Variants in SOWAHA observed in about 807,000 individuals in gnomAD.
The protein encoded by SOWAHA is ankyrin repeat domain-containing protein SOWAHA.
Under a neutral mutation model 21.1 loss-of-function variants are expected in SOWAHA, and 17 were observed. That is an observed-to-expected ratio of 0.80 (90% CI 0.55 to 1.21). The LOEUF (loss-of-function observed/expected upper bound fraction) is 1.21, where lower values mean the gene tolerates loss of function less well. Among genes scored for constraint, SOWAHA ranks in the 50% most tolerant of loss-of-function variants. SOWAHA has a pLI of 0.00. For synonymous variants in SOWAHA, 422 were observed against 397.1 expected (o/e 1.06, Z -0.75); for missense variants, 862 against 816.0 (o/e 1.06, Z -0.69).
Position 132,813,865 on chromosome 5 carries a change from A to C in SOWAHA, c.244A>C (p.Lys82Gln), listed in dbSNP as rs377070939. ...CGTCAAGTTCGTGGTGCTGAGGAAGAAGCCCCGGCCCCCGGAGCCCGAGCC... is the reference window on the plus strand; with the variant it reads ...CGTCAAGTTCGTGGTGCTGAGGAAGCAGCCCCGGCCCCCGGAGCCCGAGCC... ...DGVKFVVLRK[K>Q]PRPPEPEPAP... Residue 82 changes from lysine (K) to glutamine (Q), a missense_variant, in exon 1 of 1, where the codon AAG (lysine) becomes CAG (glutamine). Transcript: ENST00000378693. 5.3e-4 allele frequency: 819 copies of C among 1,548,764 alleles called. 6 individuals are homozygous for C. In the African/African-American group the frequency reaches 0.011, roughly 20 times the overall value.
Position 132,814,065 on chromosome 5 carries a change from G to T in SOWAHA, c.444G>T (p.Pro148=). 1.3e-6 allele frequency: 2 copies of T among 1,571,820 alleles called. No homozygotes were observed. The highest frequency in any genetic ancestry group is 1.7e-6 in the Non-Finnish European group (2 of 1,164,666). ...AGCCACAGGACACCCCGGGGGGGCC[G>T]GCCTCCGAGCCCGCTCAGCCGCCCG... ...PTEPQDTPGG[P]ASEPAQPPGE... Residue 148 remains proline, a synonymous_variant, in exon 1 of 1, where the codon CCG becomes CCT. Transcript: ENST00000378693.
In SOWAHA at chr5:132,813,961, G is replaced by T; in HGVS notation, c.340G>T (p.Ala114Ser). 1 of 1,543,508 alleles carries T rather than the reference G, an allele frequency of 6.5e-7. No individual in the cohort carries two copies. The change falls in exon 1 of 1, where the codon GCC becomes TCC. Residue 114 changes from alanine (A) to serine (S), a missense_variant. Ala to Ser is a moderately conservative substitution (Grantham distance 99). Transcript: ENST00000378693. The stretch of plus-strand genomic sequence containing the variant: ...CACTTCGACGGTCTTGCCGCGGAGC[G>T]CCTCTGCCCCGGGAGCTCCGCCCTT... ...KPTSTVLPRS[A>S]SAPGAPPLVR...
At position 132,814,496 on chromosome 5, in the gene SOWAHA, A is replaced by G; in HGVS notation, c.875A>G (p.Asp292Gly). The change falls in exon 1 of 1, where the codon GAC becomes GGC. Residue 292 changes from aspartate to glycine, a missense_variant. Transcript: ENST00000378693. ...SRAGPRLLSP[D>G]AEELPAAPPP... ...GCCGGCCCGCGTCTGCTGAGCCCTG[A>G]CGCCGAGGAGTTGCCCGCCGCGCCG... is the stretch of plus-strand genomic sequence containing the variant. The G allele has an allele frequency of 7.1e-7, 1 of 1,404,080 alleles. No homozygotes were observed. Among genetic ancestry groups the G allele is most frequent in the South Asian group, 1.5e-5 (1 of 65,060 alleles). The allele number at this position is 1,404,080 out of a possible 1,614,324, so 87.0% of individuals were successfully genotyped here.
Position 132,816,499 on chromosome 5 carries a change from G to A in SOWAHA, c.*1228G>A, listed in dbSNP as rs1758386439. ...TTCCTATCTGTAAATGAGAAAGTTTGTAGATATTGCCAAGATTTCCCAGGC... is the reference window on the plus strand; with the variant it reads ...TTCCTATCTGTAAATGAGAAAGTTTATAGATATTGCCAAGATTTCCCAGGC... On this transcript the variant is annotated 3_prime_UTR_variant, in exon 1 of 1. Coordinates refer to ENST00000378693, the MANE Select transcript of SOWAHA (RefSeq NM_175873.6). 2 of 167,098 alleles carry A rather than the reference G, an allele frequency of 1.2e-5. No homozygotes were observed. Among genetic ancestry groups the A allele is most frequent in the Admixed American group, 6.5e-5 (1 of 15,284 alleles). The allele number at this position is 167,098 out of a possible 1,614,324, so 10.4% of individuals were successfully genotyped here. A position where few individuals can be genotyped will look rare whatever the true frequency, so the allele number is the denominator to read the frequency against.
Position 132,814,606 on chromosome 5 carries a change from G to T in SOWAHA, c.985G>T (p.Gly329Trp). 2 of 1,512,924 alleles carry T rather than the reference G, an allele frequency of 1.3e-6. No homozygotes were observed. The highest frequency in any genetic ancestry group is 1.8e-6 in the Non-Finnish European group (2 of 1,137,822). The allele number at this position is 1,512,924 out of a possible 1,614,324, so 93.7% of individuals were successfully genotyped here. The change falls in exon 1 of 1, where the codon GGG becomes TGG. Residue 329 changes from glycine to tryptophan, a missense_variant. Gly to Trp is a radical substitution (Grantham distance 184, BLOSUM62 -2). Coordinates refer to ENST00000378693, the MANE Select transcript of SOWAHA (RefSeq NM_175873.6). The stretch of plus-strand genomic sequence containing the variant: ...GGGCCGCTGGACCCACCAGCTGCAC[G>T]GGCTGCTGCTGCGCGACCGCGGCTT... ...AGGRWTHQLH[G>W]LLLRDRGLAA...
At position 132,815,035 on chromosome 5, in the gene SOWAHA, C is replaced by T. The variant is rs767854393; in HGVS notation, c.1414C>T (p.Leu472Phe). ...RRPVQVAATI[L>F]SSTTSAFLGV... The stretch of plus-strand genomic sequence containing the variant: ...CCCCGTACAGGTGGCCGCCACCATC[C>T]TCAGTTCCACCACCAGTGCATTTCT... Residue 472 changes from leucine to phenylalanine, a missense_variant, in exon 1 of 1, where the codon CTC becomes TTC. Leu to Phe is a conservative substitution (Grantham distance 22). Coordinates refer to ENST00000378693, the MANE Select transcript of SOWAHA (RefSeq NM_175873.6). 1.9e-6 allele frequency: 3 copies of T among 1,606,308 alleles called. No individual in the cohort carries two copies. The highest frequency in any genetic ancestry group is 3.4e-5 in the Admixed American group (2 of 59,272).
At position 132,815,078 on chromosome 5, in the gene SOWAHA, A is replaced by T; in HGVS notation, c.1457A>T (p.Asp486Val). The part of the protein sequence containing the change: ...TSAFLGVLAD[D>V]LMLQDLARGL... Reference sequence around the variant, plus strand: ...GCATTTCTGGGCGTCCTGGCTGACGACCTCATGCTCCAGGACCTGGCCCGA... The same window carrying T: ...GCATTTCTGGGCGTCCTGGCTGACGTCCTCATGCTCCAGGACCTGGCCCGA... Residue 486 changes from aspartate (D) to valine (V), a missense_variant, in exon 1 of 1, where the codon GAC becomes GTC. By Grantham distance (152) the Asp-to-Val change is radical. Transcript: ENST00000378693. The T allele has an allele frequency of 6.2e-7, 1 of 1,612,926 alleles. No homozygotes were observed. Among genetic ancestry groups the T allele is most frequent in the African/African-American group, 1.3e-5 (1 of 75,024 alleles).
In SOWAHA at chr5:132,813,720, C is replaced by A. The variant is rs1561442304; in HGVS notation, c.99C>A (p.Ser33=). ...AGCACGGCGGGAAGGTGCGCAACTC[C>A]GAGCTGCTGAGCCGCTTCAAGCCGC... ...LQEHGGKVRN[S]ELLSRFKPLL... Residue 33 remains serine, a synonymous_variant, in exon 1 of 1, where the codon TCC becomes TCA. Coordinates refer to ENST00000378693, the MANE Select transcript of SOWAHA (RefSeq NM_175873.6). 6.5e-7 allele frequency: 1 copy of A among 1,543,410 alleles called. No individual in the cohort carries two copies. Among genetic ancestry groups the A allele is most frequent in the South Asian group, 1.2e-5 (1 of 83,656 alleles).
Position 132,814,491 on chromosome 5 carries a change from C to T in SOWAHA, c.870C>T (p.Ser290=). The T allele has an allele frequency of 7.1e-7, 1 of 1,413,822 alleles. No homozygotes were observed. The highest frequency in any genetic ancestry group is 9.2e-7 in the Non-Finnish European group (1 of 1,092,806). 87.6% of individuals were successfully genotyped at this position (1,413,822 alleles called of 1,614,324 possible). ...CGCGCGCCGGCCCGCGTCTGCTGAG[C>T]CCTGACGCCGAGGAGTTGCCCGCCG... ...RLSRAGPRLL[S]PDAEELPAAP... is the part of the protein sequence containing the mutation. The change falls in exon 1 of 1, where the codon AGC becomes AGT. Residue 290 remains serine (S), a synonymous_variant. Transcript: ENST00000378693.
chr5:132,816,259 TAAA>T lies in SOWAHA; in HGVS notation c.*992_*994del, dbSNP rs1758384084. The stretch of plus-strand genomic sequence containing the variant: ...GCCTTTCAGTGAAATAGGTGACTAT[TAAA>T]AAAGTAATAGTATTACAGAAAAATG... On this transcript the variant is annotated 3_prime_UTR_variant, in exon 1 of 1. Coordinates refer to ENST00000378693, the MANE Select transcript of SOWAHA (RefSeq NM_175873.6). 1.8e-5 allele frequency: 3 copies of T among 167,236 alleles called. No individual in the cohort carries two copies. The South Asian group carries it at 6.2e-4, about 35-fold the overall frequency. The allele number at this position is 167,236 out of a possible 1,614,324, so 10.4% of individuals were successfully genotyped here.
Position 132,814,257 on chromosome 5 carries a change from G to C in SOWAHA, c.636G>C (p.Pro212=), listed in dbSNP as rs1448058846. ...EPGPGAAKGP[P]QQKPCMLPVR... ...GGCCCGGGGCAGCGAAAGGGCCGCC[G>C]CAGCAGAAGCCCTGTATGCTGCCGG... The change falls in exon 1 of 1, where the codon CCG becomes CCC. Residue 212 remains proline (P), a synonymous_variant. Coordinates refer to ENST00000378693, the MANE Select transcript of SOWAHA (RefSeq NM_175873.6). 3 of 1,529,706 alleles carry C rather than the reference G, an allele frequency of 2.0e-6. No individual in the cohort carries two copies. Among genetic ancestry groups the C allele is most frequent in the Non-Finnish European group, 2.6e-6 (3 of 1,145,716 alleles). The allele number at this position is 1,529,706 out of a possible 1,614,324, so 94.8% of individuals were successfully genotyped here.
Position 132,814,236 on chromosome 5 carries a change from C to G in SOWAHA, c.615C>G (p.Pro205=), listed in dbSNP as rs951697770. 1 of 1,543,290 alleles carries G rather than the reference C, an allele frequency of 6.5e-7. No homozygotes were observed. Among genetic ancestry groups the G allele is most frequent in the South Asian group, 1.2e-5 (1 of 84,924 alleles). ...ATCCGCCAGACGCGGAGCCCGGGCC[C>G]GGGGCAGCGAAAGGGCCGCCGCAGC... is the stretch of plus-strand genomic sequence containing the variant. ...CSDPPDAEPG[P]GAAKGPPQQK... Residue 205 remains proline (P), a synonymous_variant, in exon 1 of 1, where the codon CCC becomes CCG. Coordinates refer to ENST00000378693, the MANE Select transcript of SOWAHA (RefSeq NM_175873.6).
In SOWAHA at chr5:132,815,153, T is replaced by C. The variant is rs763655757; in HGVS notation, c.1532T>C (p.Met511Thr). ...SFSKFLSASP[M>T]APRKKTKIRG... ...AGCAAGTTCTTGAGCGCCTCGCCCA[T>C]GGCTCCACGTAAAAAGACAAAGATC... The change falls in exon 1 of 1, where the codon ATG (methionine) becomes ACG (threonine). Residue 511 changes from methionine to threonine, a missense_variant. Met to Thr is a moderately conservative substitution (Grantham distance 81). Coordinates refer to ENST00000378693, the MANE Select transcript of SOWAHA (RefSeq NM_175873.6). 2.5e-6 allele frequency: 4 copies of C among 1,613,946 alleles called. No homozygotes were observed. Among genetic ancestry groups the C allele is most frequent in the African/African-American group, 1.3e-5 (1 of 74,944 alleles).
In SOWAHA at chr5:132,815,076, C is replaced by T. The variant is rs780551075; in HGVS notation, c.1455C>T (p.Asp485=). Residue 485 remains aspartate, a synonymous_variant, in exon 1 of 1, where the codon GAC becomes GAT. Transcript: ENST00000378693. ...TTSAFLGVLA[D]DLMLQDLARG... ...GTGCATTTCTGGGCGTCCTGGCTGA[C>T]GACCTCATGCTCCAGGACCTGGCCC... 20 of 1,612,778 alleles carry T rather than the reference C, an allele frequency of 1.2e-5. No individual in the cohort carries two copies. The South Asian group carries it at 2.1e-4, about 17-fold the overall frequency.
In SOWAHA at chr5:132,814,442, G is replaced by A. The variant is rs1381047483; in HGVS notation, c.821G>A (p.Arg274His). 6.8e-7 allele frequency: 1 copy of A among 1,465,392 alleles called. No individual in the cohort carries two copies. The highest frequency in any genetic ancestry group is 2.5e-5 in the Admixed American group (1 of 39,568). The allele number at this position is 1,465,392 out of a possible 1,614,324, so 90.8% of individuals were successfully genotyped here. A position where few individuals can be genotyped will look rare whatever the true frequency, so the allele number is the denominator to read the frequency against. Residue 274 changes from arginine (R) to histidine (H), a missense_variant, in exon 1 of 1, where the codon CGC (arginine) becomes CAC (histidine). By Grantham distance (29) the Arg-to-His change is conservative. Coordinates refer to ENST00000378693, the MANE Select transcript of SOWAHA (RefSeq NM_175873.6). ...SGLGLGLGPGRSPHLRRLSRA... is the reference protein window; with the variant it reads ...SGLGLGLGPGHSPHLRRLSRA... ...CTGGGCCTCGGCCTGGGCCCGGGCC[G>A]CTCCCCGCACCTGAGGCGCCTGTCG...
rs1758376237 is a variant in SOWAHA at position 132,815,460 on chromosome 5, T to C, written c.*189T>C. The C allele has an allele frequency of 3.7e-6, 2 of 545,592 alleles. No homozygotes were observed. Among genetic ancestry groups the C allele is most frequent in the East Asian group, 2.9e-5 (1 of 34,156 alleles). 33.8% of individuals were successfully genotyped at this position (545,592 alleles called of 1,614,324 possible). A position where few individuals can be genotyped will look rare whatever the true frequency, so the allele number is the denominator to read the frequency against. On this transcript the variant is annotated 3_prime_UTR_variant, in exon 1 of 1. Transcript: ENST00000378693. The stretch of plus-strand genomic sequence containing the variant: ...CTGAAGCATGACCCATCTCCAGAGA[T>C]GGGATTTGAGAAATCAGTGAGAGCT...
In SOWAHA at chr5:132,814,220, A is replaced by T. The variant is rs1437140735; in HGVS notation, c.599A>T (p.Asp200Val). Residue 200 changes from aspartate (D) to valine (V), a missense_variant, in exon 1 of 1, where the codon GAC (aspartate) becomes GTC (valine). Physicochemically the swap from Asp to Val is radical, Grantham distance 152. Coordinates refer to ENST00000378693, the MANE Select transcript of SOWAHA (RefSeq NM_175873.6). Reference protein sequence around the residue: ...EAASPCSDPPDAEPGPGAAKG... With the variant: ...EAASPCSDPPVAEPGPGAAKG... ...GCATCGCCCTGCTCTGATCCGCCAG[A>T]CGCGGAGCCCGGGCCCGGGGCAGCG... 6.4e-7 allele frequency: 1 copy of T among 1,570,130 alleles called. No homozygotes were observed. The highest frequency in any genetic ancestry group is 1.7e-5 in the Admixed American group (1 of 57,354).
In SOWAHA at chr5:132,814,480, C is replaced by G. The variant is rs925966593; in HGVS notation, c.859C>G (p.Arg287Gly). The G allele has an allele frequency of 4.1e-5, 59 of 1,440,400 alleles. No homozygotes were observed. The highest frequency in any genetic ancestry group is 2.4e-4 in the Middle Eastern group (1 of 4,090). 89.2% of individuals were successfully genotyped at this position (1,440,400 alleles called of 1,614,324 possible). The change falls in exon 1 of 1, where the codon CGT becomes GGT. Residue 287 changes from arginine (R) to glycine (G), a missense_variant. By Grantham distance (125) the Arg-to-Gly change is moderately radical (BLOSUM62 -2). Coordinates refer to ENST00000378693, the MANE Select transcript of SOWAHA (RefSeq NM_175873.6). ...HLRRLSRAGP[R>G]LLSPDAEELP... Reference sequence around the variant, plus strand: ...GAGGCGCCTGTCGCGCGCCGGCCCGCGTCTGCTGAGCCCTGACGCCGAGGA... The same window carrying G: ...GAGGCGCCTGTCGCGCGCCGGCCCGGGTCTGCTGAGCCCTGACGCCGAGGA...
Position 132,813,377 on chromosome 5 carries a change from C to T in SOWAHA, c.-245C>T, listed in dbSNP as rs898970747. 2.6e-5 allele frequency among the ~76,000 whole-genome samples: 4 copies of T among 151,864 alleles called. No individual in the cohort carries two copies. The highest frequency in any genetic ancestry group is 4.4e-5 in the Non-Finnish European group (3 of 67,910). Reference sequence around the variant, plus strand: ...AGAATACAAAGGCAGAAACCTACCCCGAAGGCCGGGGCCCGGCGGGGCGCT... The same window carrying T: ...AGAATACAAAGGCAGAAACCTACCCTGAAGGCCGGGGCCCGGCGGGGCGCT... On this transcript the variant is annotated 5_prime_UTR_variant, in exon 1 of 1. An upstream open reading frame in the 5' UTR gains an earlier in-frame stop. Coordinates refer to ENST00000378693, the MANE Select transcript of SOWAHA (RefSeq NM_175873.6).
Sources: allele counts gnomAD v4.1 joint callset (sites outside exome capture counted in the v4.1 genomes callset), GRCh38; gene constraint gnomAD v4.1.1; transcripts MANE v1.5; gene names NCBI Gene and HGNC (gene_info 2026-07-23, HGNC 2026-07-21).